The following STEAP3 variants were observed in gnomAD, a reference collection of about 807,000 sequenced individuals.
The protein encoded by STEAP3 is STEAP3 metalloreductase.
A neutral mutation model predicts 34.9 loss-of-function variants in STEAP3; 35 were observed. The ratio of observed to expected loss-of-function variants is 1.00; its 90% confidence interval spans 0.76 to 1.33. STEAP3 has a LOEUF of 1.33. STEAP3 is among the 40% of genes most tolerant of loss of function. The pLI, the probability that STEAP3 is intolerant of heterozygous loss-of-function variation, is 0.00. For missense variants in STEAP3, 652 were observed against 667.6 expected, an observed-to-expected ratio of 0.98 and a Z score of 0.26; for synonymous variants, 281 against 301.6, an observed-to-expected ratio of 0.93 and a Z score of 0.71.
intron 2 of STEAP3, chr2:119,245,237 A>G (rs991027788): frequency 6.6e-5 from 32 of 482,630 alleles, no homozygotes; most frequent in Non-Finnish European, 1.1e-4. Context: ...TCCCGAGGAA[A>G]TCATTCAGCA....
At position 119,247,825 on chromosome 2, in the gene STEAP3, G is replaced by A. The variant is rs1198085817; in HGVS notation, c.669G>A (p.Lys223=). 3 of 1,612,860 alleles carry A rather than the reference G, an allele frequency of 1.9e-6. No homozygotes were observed. Among genetic ancestry groups the A allele is most frequent in the Non-Finnish European group, 2.5e-6 (3 of 1,179,978 alleles). ...CCCTGCGCCTCCTCCCGGCCTGGAA[G>A]GTGCCCACCCTGCTGGCCCTGGGGC... is the stretch of plus-strand genomic sequence containing the variant. The part of the protein sequence containing the change: ...AMPLRLLPAW[K]VPTLLALGLF... The change falls in exon 4 of 6, where the codon AAG becomes AAA. Residue 223 remains lysine (K), a synonymous_variant. Transcript: ENST00000393110.
At chr2:119,253,563 T>A (rs1035710370) in intron 4 of STEAP3, among the ~76,000 whole-genome samples, 2 of 152,212 alleles carry the variant, frequency 1.3e-5, no homozygotes, top group African/African-American at 4.8e-5. Context: ...CATCTTCTAA[T>A]GGAAATACTG....
chr2:119,255,094 C>T (rs747291786), intron 5 of STEAP3, among the ~76,000 whole-genome samples: 3 of 152,178 alleles, frequency 2.0e-5, no homozygotes, highest in Admixed American at 6.5e-5. Context: ...AATTACAGAC[C>T]AGGACACTGA....
chr2:119,241,301 G>A (rs1316059231), intron 2 of STEAP3, among the ~76,000 whole-genome samples: 1 of 152,122 alleles, frequency 6.6e-6, no homozygotes, highest in African/African-American at 2.4e-5. Flanking sequence ...CTCCCCAGCA[G>A]CCCCACCCAC....
At chr2:119,260,766 A>G (rs1429673788) in intron 5 of STEAP3, among the ~76,000 whole-genome samples, 1 of 152,206 alleles carries the variant, frequency 6.6e-6, no homozygotes, top group Non-Finnish European at 1.5e-5. Context: ...CTGACAGTCA[A>G]GGAGTCTTCT....
chr2:119,248,293 T>G, intron 4 of STEAP3, 87 bp downstream of exon 4: 1 of 1,424,356 alleles, frequency 7.0e-7, no homozygotes, highest in Non-Finnish European at 9.4e-7. Flanking sequence ...GTGCAGCCGA[T>G]ACCCACGGGT....
At chr2:119,257,591 T>A (rs1489780909) in intron 5 of STEAP3, 5 of 1,535,470 alleles carry the variant, frequency 3.3e-6, no homozygotes, top group Non-Finnish European at 4.4e-6. Flanking sequence ...GCTGCTCACT[T>A]GTGCCTGTGT....
In STEAP3 at chr2:119,263,668, G is replaced by T; in HGVS notation, c.*330G>T. 1 of 410,806 alleles carries T rather than the reference G, an allele frequency of 2.4e-6. No homozygotes were observed. The highest frequency in any genetic ancestry group is 4.6e-6 in the Non-Finnish European group (1 of 218,660). The allele number at this position is 410,806 out of a possible 1,614,324, so 25.4% of individuals were successfully genotyped here. Reference sequence around the variant, plus strand: ...AGCAGATCATGCTATTGTGACATTTGCAGAGATATACACACACTTTTTGTA... The same window carrying T: ...AGCAGATCATGCTATTGTGACATTTTCAGAGATATACACACACTTTTTGTA... On this transcript the variant is annotated 3_prime_UTR_variant, in exon 6 of 6. Coordinates refer to ENST00000393110, the MANE Select transcript of STEAP3 (RefSeq NM_182915.3).
chr2:119,242,183 G>A (rs765826995), intron 2 of STEAP3, among the ~76,000 whole-genome samples: 5 of 152,202 alleles, frequency 3.3e-5, no homozygotes, highest in Non-Finnish European at 5.9e-5. Flanking sequence ...AGCGGGGAGA[G>A]GGCAGAGACA....
chr2:119,225,560 C>T (rs1236111471), intron 1 of STEAP3, among the ~76,000 whole-genome samples: 3 of 152,248 alleles, frequency 2.0e-5, no homozygotes, highest in Non-Finnish European at 4.4e-5. Flanking sequence ...GTAGATTCCT[C>T]TCCCATTCAT....
chr2:119,254,565 G>T lies in STEAP3; in HGVS notation c.1051-119G>T, dbSNP rs930003200. ...TGAGAAACGCTTATCACAGAGCCAG[G>T]TAGCGTCAGGTGCAGTGTGAGCGCC... On this transcript the variant is annotated intron_variant, in intron 4 of 5. Coordinates refer to ENST00000393110, the MANE Select transcript of STEAP3 (RefSeq NM_182915.3). 6.4e-6 allele frequency: 7 copies of T among 1,091,916 alleles called. No individual in the cohort carries two copies. In the African/African-American group the frequency reaches 1.1e-4, roughly 17 times the overall value. 67.6% of individuals were successfully genotyped at this position (1,091,916 alleles called of 1,614,324 possible). A position where few individuals can be genotyped will look rare whatever the true frequency, so the allele number is the denominator to read the frequency against.
chr2:119,254,602 C>G, intron 4 of STEAP3, 82 bp from the exon 5 acceptor site: 1 of 1,554,806 alleles, frequency 6.4e-7, no homozygotes, highest in Non-Finnish European at 8.8e-7. Context: ...GCCGTCTTGT[C>G]TTTCTTGTGT....
At position 119,228,789 on chromosome 2, in the gene STEAP3, G is replaced by T. The variant is rs117482667; in HGVS notation, c.-393-1831G>T. On this transcript the variant is annotated intron_variant, in intron 1 of 5. Transcript: ENST00000393110. ...ACCTTTAACATCTGGCATGGCTTGT[G>T]GGGGGTGCTGAGAGGAGGAGAAGTC... Among the ~76,000 whole-genome samples, 14 of 152,222 alleles carry T rather than the reference G, an allele frequency of 9.2e-5. No individual in the cohort carries two copies. The East Asian group carries it at 1.7e-3, about 19-fold the overall frequency.
At chr2:119,227,246 A>C (rs1294821705) in intron 1 of STEAP3, among the ~76,000 whole-genome samples, 1 of 152,172 alleles carries the variant, frequency 6.6e-6, no homozygotes, top group Non-Finnish European at 1.5e-5. Flanking sequence ...ACTGAGCTGG[A>C]GGGATCAACC....
At position 119,261,418 on chromosome 2, in the gene STEAP3, A is replaced by G. The variant is rs552976172; in HGVS notation, c.1216-1639A>G. On this transcript the variant is annotated intron_variant, in intron 5 of 5. Coordinates refer to ENST00000393110, the MANE Select transcript of STEAP3 (RefSeq NM_182915.3). ...ATATGTGTTCATTGCTTGATGGGTC[A>G]TCGCTATTTCCATCCCTGTGTAATA... 2.0e-5 allele frequency among the ~76,000 whole-genome samples: 3 copies of G among 152,206 alleles called. No individual in the cohort carries two copies. In the South Asian group the frequency reaches 6.2e-4, roughly 32 times the overall value.
chr2:119,233,744 C>T (rs1677010818), intron 2 of STEAP3, among the ~76,000 whole-genome samples: 1 of 152,180 alleles, frequency 6.6e-6, no homozygotes, highest in Non-Finnish European at 1.5e-5. Flanking sequence ...CAGAGTTAGT[C>T]CCAGAGCGTG....
intron 2 of STEAP3, among the ~76,000 whole-genome samples, chr2:119,240,216 C>A (rs838088): frequency 0.34 from 51,550 of 152,156 alleles, 9,897 homozygotes; most frequent in Non-Finnish European, 0.45. Flanking sequence ...AAATAAATAA[C>A]TAATAAATAA....
chr2:119,255,704 T>A (rs1677755439), intron 5 of STEAP3, among the ~76,000 whole-genome samples: 1 of 151,246 alleles, frequency 6.6e-6, no homozygotes, highest in South Asian at 2.1e-4. Flanking sequence ...GAGTTAGAAG[T>A]TCAAGTGTCC....
chr2:119,225,626 TGCTGG>T (rs1679013645), intron 1 of STEAP3, among the ~76,000 whole-genome samples: 1 of 152,212 alleles, frequency 6.6e-6, no homozygotes, highest in Admixed American at 6.5e-5. Context: ...GAGACCAAGG[TGCTGG>T]GCAGGGCTTC....
Sources: gnomAD v4.1 joint callset for allele counts (sites outside exome capture counted in the v4.1 genomes callset) on GRCh38, gnomAD v4.1.1 for gene constraint, MANE v1.5 for transcripts, NCBI Gene and HGNC (gene_info 2026-07-23, HGNC 2026-07-21) for gene names.